The following MYO3A variants were observed in gnomAD, a reference collection of about 807,000 sequenced individuals.
MYO3A encodes myosin IIIA, also known as myosin-IIIa.
In MYO3A, 180 loss-of-function variants were observed where a neutral mutation model predicts 192.7. The ratio of observed to expected loss-of-function variants is 0.93; its 90% CI spans 0.83 to 1.06. The LOEUF is 1.06. MYO3A is among the 50% of genes least tolerant of loss of function. MYO3A has a pLI of 0.00. For missense variants in MYO3A, 1,896 were observed against 1,905.0 expected, an observed-to-expected ratio of 1.00 and a Z score of 0.09; for synonymous variants, 628 against 645.3, an observed-to-expected ratio of 0.97 and a Z score of 0.41.
At chr10:26,060,839 A>C (rs1834421262) in intron 10 of MYO3A, among the ~76,000 whole-genome samples, 1 of 152,254 alleles carries the variant, frequency 6.6e-6, no homozygotes, top group Admixed American at 6.5e-5. Context: ...TTTTCTATCC[A>C]AACCTCAAAC....
chr10:25,954,902 A>T lies in MYO3A; in HGVS notation c.197A>T (p.Tyr66Phe). The change falls in exon 4 of 35, where the codon TAT (tyrosine) becomes TTT (phenylalanine). Residue 66 changes from tyrosine to phenylalanine, a missense_variant. By Grantham distance (22) the Tyr-to-Phe change is conservative. Transcript: ENST00000642920. The stretch of plus-strand genomic sequence containing the variant: ...ATTGACGAAGAGATTGAAGCAGAAT[A>T]TAACATCTTAAAAGCACTTTCTGAC... ...HDIDEEIEAE[Y>F]NILKALSDHP... is the part of the protein sequence containing the mutation. The T allele has an allele frequency of 6.2e-7, 1 of 1,612,478 alleles. No homozygotes were observed. The highest frequency in any genetic ancestry group is 2.2e-5 in the East Asian group (1 of 44,804).
intron 26 of MYO3A, among the ~76,000 whole-genome samples, chr10:26,162,190 CA>C (rs1296163596): frequency 3.3e-5 from 5 of 152,078 alleles, no homozygotes; most frequent in African/African-American, 9.7e-5. Context: ...AAGTATTTTT[CA>C]AATTAATGAA....
chr10:25,968,001 G>A (rs1461947512), intron 4 of MYO3A, among the ~76,000 whole-genome samples: 1 of 152,168 alleles, frequency 6.6e-6, no homozygotes, highest in East Asian at 1.9e-4. Context: ...AATGGCGGGT[G>A]TAGGGGGTGG....
At chr10:26,060,033 G>A (rs567917518) in intron 10 of MYO3A, among the ~76,000 whole-genome samples, 7 of 152,170 alleles carry the variant, frequency 4.6e-5, no homozygotes, top group East Asian at 1.9e-4. Flanking sequence ...CAAGGCGGGC[G>A]GATCACCTGA....
chr10:26,177,403 C>T (rs999790879), intron 31 of MYO3A, among the ~76,000 whole-genome samples: 2 of 152,168 alleles, frequency 1.3e-5, no homozygotes, highest in African/African-American at 2.4e-5. Context: ...ATCAGGTACA[C>T]CCTGTAGTCT....
intron 14 of MYO3A, among the ~76,000 whole-genome samples, chr10:26,082,189 A>G (rs1430744981): frequency 6.6e-6 from 1 of 152,058 alleles, no homozygotes; most frequent in Admixed American, 6.5e-5. Context: ...AGTAGTATGG[A>G]TATTTTAACA....
chr10:25,984,185 A>G (rs542468106), intron 4 of MYO3A, among the ~76,000 whole-genome samples: 1 of 152,356 alleles, frequency 6.6e-6, no homozygotes, highest in East Asian at 1.9e-4. Flanking sequence ...CAGAACCTAT[A>G]TAACAATAAC....
At chr10:26,005,675 T>TTATGTGTA (rs1841151987) in intron 6 of MYO3A, among the ~76,000 whole-genome samples, 1 of 152,116 alleles carries the variant, frequency 6.6e-6, no homozygotes, top group Non-Finnish European at 1.5e-5. Flanking sequence ...AAGGTTGAAA[T>TTATGTGTA]TATGTGTATA....
chr10:26,124,854 A>C (rs1032556540), intron 18 of MYO3A, among the ~76,000 whole-genome samples: 3 of 152,326 alleles, frequency 2.0e-5, no homozygotes, highest in African/African-American at 2.4e-5. Context: ...ATGAAACTAA[A>C]AAGTAGGATG....
At chr10:26,086,984 G>GTA (rs3057676) in intron 14 of MYO3A, among the ~76,000 whole-genome samples, 72,744 of 151,600 alleles carry the variant, frequency 0.48, 18,137 homozygotes, top group Middle Eastern at 0.59. Context: ...TTGGGGATAG[G>GTA]TATATATATA....
chr10:25,975,974 T>C (rs1838941750), intron 4 of MYO3A, among the ~76,000 whole-genome samples: 1 of 152,232 alleles, frequency 6.6e-6, no homozygotes, highest in Non-Finnish European at 1.5e-5. Context: ...TTGGACATTG[T>C]ACAAAACCAT....
At chr10:26,022,085 T>G (rs1162716764) in intron 8 of MYO3A, 2 of 153,128 alleles carry the variant, frequency 1.3e-5, no homozygotes, top group African/African-American at 4.8e-5. Context: ...TATATAAAAT[T>G]TATCCAGAAA....
intron 10 of MYO3A, among the ~76,000 whole-genome samples, chr10:26,066,621 C>T (rs1274604695): frequency 1.3e-5 from 2 of 152,198 alleles, no homozygotes; most frequent in African/African-American, 4.8e-5. Context: ...CTAACACTAT[C>T]TCCAACAAAA....
intron 27 of MYO3A, 31 bp downstream of exon 27, chr10:26,166,209 A>G: frequency 6.6e-7 from 1 of 1,504,274 alleles, no homozygotes; most frequent in Non-Finnish European, 9.3e-7. Context: ...TCAGGAAAAT[A>G]AATAATTATG....
chr10:25,993,675 C>T (rs913558603), intron 4 of MYO3A, among the ~76,000 whole-genome samples: 4 of 152,210 alleles, frequency 2.6e-5, no homozygotes, highest in African/African-American at 7.2e-5. Flanking sequence ...CCTCTACACA[C>T]TGCTTTAAAT....
At chr10:26,153,731 A>G (rs1019160281) in intron 23 of MYO3A, 119 bp from the exon 24 acceptor site, 8 of 677,546 alleles carry the variant, frequency 1.2e-5, no homozygotes, top group East Asian at 2.8e-5. Context: ...TTAACCAAGC[A>G]TATGATTATG....
chr10:26,157,496 T>C lies in MYO3A; in HGVS notation c.2980T>C (p.Phe994Leu). 6.2e-7 allele frequency: 1 copy of C among 1,614,090 alleles called. No individual in the cohort carries two copies. The highest frequency in any genetic ancestry group is 8.5e-7 in the Non-Finnish European group (1 of 1,179,938). ...RRLGFSHRILFANFIKRYYLL... is the reference protein window; with the variant it reads ...RRLGFSHRILLANFIKRYYLL... Reference sequence around the variant, plus strand: ...ACTAGGATTCTCCCATCGGATACTTTTTGCTAACTTTATAAAGCGGTATGT... The same window carrying C: ...ACTAGGATTCTCCCATCGGATACTTCTTGCTAACTTTATAAAGCGGTATGT... The change falls in exon 26 of 35, where the codon TTT becomes CTT. Residue 994 changes from phenylalanine to leucine, a missense_variant. By Grantham distance (22) the Phe-to-Leu change is conservative (BLOSUM62 0). Transcript: ENST00000642920.
At chr10:26,187,185 A>T (rs945664648) in intron 31 of MYO3A, among the ~76,000 whole-genome samples, 2 of 152,208 alleles carry the variant, frequency 1.3e-5, no homozygotes, top group Middle Eastern at 3.2e-3. Flanking sequence ...ACACAAAGAC[A>T]TCAAAACCTA....
At chr10:26,064,231 A>G (rs1401747993) in intron 10 of MYO3A, among the ~76,000 whole-genome samples, 1 of 152,180 alleles carries the variant, frequency 6.6e-6, no homozygotes, top group Non-Finnish European at 1.5e-5. Context: ...ATATTGAAAG[A>G]AGCCCATGGG....
Sources: gnomAD v4.1 joint callset for allele counts (sites outside exome capture counted in the v4.1 genomes callset) on GRCh38, gnomAD v4.1.1 for gene constraint, MANE v1.5 for transcripts, NCBI Gene and HGNC (gene_info 2026-07-23, HGNC 2026-07-21) for gene names.